Variants in EPHA6 observed in about 807,000 individuals in gnomAD.
EPHA6 encodes ephrin type-A receptor 6.
In EPHA6, 50 loss-of-function variants were observed where a neutral mutation model predicts 112.0. The observed-to-expected ratio is 0.45, with a 90% confidence interval of 0.36 to 0.56. The LOEUF (loss-of-function observed/expected upper bound fraction) is 0.56, where lower values mean the gene tolerates loss of function less well. EPHA6 is among the 20% of genes least tolerant of loss of function. EPHA6 has a pLI of 0.00. For synonymous variants in EPHA6, 529 were observed against 490.7 expected (o/e 1.08, Z -1.03); for missense variants, 1,280 against 1,417.4 (o/e 0.90, Z 1.56).
intron 5 of EPHA6, among the ~76,000 whole-genome samples, chr3:97,302,035 CCAGTTAATGTACTTT>C (rs1293911293): frequency 6.6e-6 from 1 of 151,922 alleles, no homozygotes; most frequent in Non-Finnish European, 1.5e-5. Flanking sequence ...CTTCTGTTTG[CCAGTTAATGTACTTT>C]AAAAGAAAAT....
intron 3 of EPHA6, among the ~76,000 whole-genome samples, chr3:97,054,532 C>CA (rs200236445): frequency 0.013 from 1,904 of 151,804 alleles, 37 homozygotes; most frequent in African/African-American, 0.043. Flanking sequence ...TAAAATATGA[C>CA]AAAAAAATCA....
intron 3 of EPHA6, among the ~76,000 whole-genome samples, chr3:97,075,861 G>A (rs1361850405): frequency 2.6e-5 from 4 of 152,112 alleles, no homozygotes; most frequent in African/African-American, 9.6e-5. Context: ...TGTGATCAGT[G>A]ATCTTTGAAA....
At chr3:97,355,723 G>A (rs1197877208) in intron 5 of EPHA6, among the ~76,000 whole-genome samples, 1 of 152,052 alleles carries the variant, frequency 6.6e-6, no homozygotes, top group African/African-American at 2.4e-5. Context: ...TCTTCTTTCA[G>A]AAGACACGGA....
chr3:96,858,185 A>G (rs1352172139), intron 1 of EPHA6, among the ~76,000 whole-genome samples: 4 of 152,136 alleles, frequency 2.6e-5, no homozygotes, highest in African/African-American at 9.7e-5. Context: ...CACAGCAAGC[A>G]AATTTTTTTG....
At chr3:97,058,271 C>T (rs918910304) in intron 3 of EPHA6, among the ~76,000 whole-genome samples, 1 of 151,716 alleles carries the variant, frequency 6.6e-6, no homozygotes, top group South Asian at 2.1e-4. Context: ...TAGCTAGTAT[C>T]ATCTAAGAGT....
intron 13 of EPHA6, among the ~76,000 whole-genome samples, chr3:97,634,205 G>A (rs551499331): frequency 4.6e-5 from 7 of 152,048 alleles, no homozygotes; most frequent in South Asian, 2.1e-4. Context: ...TAATCACTAC[G>A]TTTACATCAC....
intron 2 of EPHA6, among the ~76,000 whole-genome samples, chr3:96,884,785 C>A (rs1370977248): frequency 6.6e-6 from 1 of 152,116 alleles, no homozygotes; most frequent in Non-Finnish European, 1.5e-5. Flanking sequence ...TGAGAGTGGG[C>A]ATCCTTATCT....
At chr3:97,599,681 A>C (rs962027203) in intron 12 of EPHA6, among the ~76,000 whole-genome samples, 9 of 152,036 alleles carry the variant, frequency 5.9e-5, no homozygotes, top group Non-Finnish European at 1.2e-4. Context: ...CTTGTAGTAT[A>C]GTTTGAAGTC....
At chr3:97,362,176 T>G (rs2084406127) in intron 5 of EPHA6, among the ~76,000 whole-genome samples, 1 of 152,142 alleles carries the variant, frequency 6.6e-6, no homozygotes, top group Non-Finnish European at 1.5e-5. Context: ...GTGAGTAACT[T>G]GGAGATTTAC....
chr3:96,966,901 T>A (rs2042141670), intron 2 of EPHA6, among the ~76,000 whole-genome samples: 1 of 152,072 alleles, frequency 6.6e-6, no homozygotes, highest in African/African-American at 2.4e-5. Context: ...GTTAGATCCT[T>A]TAAGTATACT....
At chr3:96,841,347 G>T (rs532509009) in intron 1 of EPHA6, among the ~76,000 whole-genome samples, 14 of 152,056 alleles carry the variant, frequency 9.2e-5, no homozygotes, top group Non-Finnish European at 1.9e-4. Flanking sequence ...GCAGTTTCCC[G>T]CTTGACTTCT....
Position 97,552,343 on chromosome 3 carries a change from A to G in EPHA6, c.2386+19800A>G, listed in dbSNP as rs143784153. Among the ~76,000 whole-genome samples, 8 of 152,320 alleles carry G rather than the reference A, an allele frequency of 5.3e-5. No individual in the cohort carries two copies. In the East Asian group the frequency reaches 1.3e-3, roughly 26 times the overall value. The stretch of plus-strand genomic sequence containing the variant: ...AGGAGGCCCAGCCTTCAGTCTAATT[A>G]CAGGCATCTACTTCTTTTCCTAATT... On this transcript the variant is annotated intron_variant, in intron 11 of 17. Coordinates refer to ENST00000389672, the MANE Select transcript of EPHA6 (RefSeq NM_001080448.3).
At chr3:96,948,199 A>C (rs1485841544) in intron 2 of EPHA6, among the ~76,000 whole-genome samples, 2 of 152,228 alleles carry the variant, frequency 1.3e-5, no homozygotes, top group African/African-American at 4.8e-5. Context: ...TAAAATGGAT[A>C]TAGTCATCTA....
intron 3 of EPHA6, among the ~76,000 whole-genome samples, chr3:97,217,549 C>T (rs1017166422): frequency 1.3e-5 from 2 of 152,084 alleles, no homozygotes; most frequent in Non-Finnish European, 2.9e-5. Context: ...AAGAAACATA[C>T]TTTAAATATA....
intron 3 of EPHA6, among the ~76,000 whole-genome samples, chr3:97,023,563 G>T (rs1365756914): frequency 2.6e-5 from 4 of 151,292 alleles, no homozygotes; most frequent in Non-Finnish European, 5.9e-5. Context: ...TTAGTTATAT[G>T]TTAGATATAA....
intron 3 of EPHA6, among the ~76,000 whole-genome samples, chr3:97,092,233 G>C (rs2047092523): frequency 6.6e-6 from 1 of 151,916 alleles, no homozygotes; most frequent in Non-Finnish European, 1.5e-5. Flanking sequence ...TTATTTAACA[G>C]TGTGTGTCTA....
chr3:97,665,445 A>C (rs2317210), intron 14 of EPHA6, among the ~76,000 whole-genome samples: 1 of 152,060 alleles, frequency 6.6e-6, no homozygotes. Context: ...TATATTTTTT[A>C]AAATAAATAT....
chr3:97,437,019 C>A (rs2089881032), intron 6 of EPHA6, among the ~76,000 whole-genome samples: 1 of 151,428 alleles, frequency 6.6e-6, no homozygotes, highest in Non-Finnish European at 1.5e-5. Flanking sequence ...TGTAAACTTT[C>A]TTAAACATTA....
intron 12 of EPHA6, among the ~76,000 whole-genome samples, chr3:97,598,913 C>T (rs2093618677): frequency 6.7e-6 from 1 of 149,936 alleles, no homozygotes; most frequent in Non-Finnish European, 1.5e-5. Flanking sequence ...TTCTCCACAT[C>T]CTCTCCAGCA....
Sources: allele counts gnomAD v4.1 joint callset (sites outside exome capture counted in the v4.1 genomes callset), GRCh38; gene constraint gnomAD v4.1.1; transcripts MANE v1.5; gene names NCBI Gene and HGNC (gene_info 2026-07-23, HGNC 2026-07-21).